Variants in MAP2K4 observed in about 807,000 individuals in gnomAD.
MAP2K4 encodes mitogen-activated protein kinase kinase 4, also known as dual specificity mitogen-activated protein kinase kinase 4.
A neutral mutation model predicts 48.5 loss-of-function variants in MAP2K4; 4 were observed. That is an observed-to-expected ratio of 0.08 (90% CI 0.04 to 0.19). MAP2K4 has a LOEUF of 0.19. Among genes scored for constraint, MAP2K4 ranks in the 10% least tolerant of loss-of-function variants. MAP2K4 has a pLI of 1.00. For missense variants in MAP2K4, 258 were observed against 493.3 expected, an observed-to-expected ratio of 0.52 and a Z score of 4.52; for synonymous variants, 166 against 173.1, an observed-to-expected ratio of 0.96 and a Z score of 0.32.
chr17:12,026,576 G>A (rs555214467), intron 1 of MAP2K4, among the ~76,000 whole-genome samples: 2 of 152,296 alleles, frequency 1.3e-5, no homozygotes, highest in Middle Eastern at 3.4e-3. Context: ...GGGGGTAGAC[G>A]TTTATTTGTT....
chr17:12,110,385 C>T lies in MAP2K4; in HGVS notation c.644C>T (p.Ala215Val). 6.2e-7 allele frequency: 1 copy of T among 1,610,454 alleles called. No homozygotes were observed. Among genetic ancestry groups the T allele is most frequent in the Non-Finnish European group, 8.5e-7 (1 of 1,177,276 alleles). The change falls in exon 6 of 11, where the codon GCA (alanine) becomes GTA (valine). Residue 215 changes from alanine to valine, a missense_variant. Transcript: ENST00000353533. ...CCTTTTTCTCCCTAGACTGTGAAAG[C>T]ACTAAACCACTTAAAAGAAAACTTG... ...LGKITLATVK[A>V]LNHLKENLKI...
chr17:12,033,930 C>T (rs1409157846), intron 1 of MAP2K4, among the ~76,000 whole-genome samples: 4 of 152,122 alleles, frequency 2.6e-5, no homozygotes, highest in Admixed American at 6.5e-5. Flanking sequence ...GCTGGGACTA[C>T]AGGTATATGC....
intron 3 of MAP2K4, among the ~76,000 whole-genome samples, chr17:12,084,501 A>G (rs899707344): frequency 2.0e-5 from 3 of 152,350 alleles, no homozygotes; most frequent in East Asian, 1.9e-4. Flanking sequence ...CTTAAAGCTC[A>G]GGGAGAACAA....
chr17:12,083,010 G>T (rs887371805), intron 3 of MAP2K4, among the ~76,000 whole-genome samples: 1 of 152,322 alleles, frequency 6.6e-6, no homozygotes, highest in East Asian at 1.9e-4. Context: ...TCCAGTTTTA[G>T]TTGGCTGGAT....
At chr17:12,071,990 A>G (rs188971249) in intron 2 of MAP2K4, among the ~76,000 whole-genome samples, 1 of 152,348 alleles carries the variant, frequency 6.6e-6, no homozygotes, top group East Asian at 1.9e-4. Flanking sequence ...AAATGTTTAA[A>G]AAGTGATGAA....
In MAP2K4 at chr17:12,141,259, G is replaced by A. The variant is rs1337754341; in HGVS notation, c.1199G>A (p.Ter400=). ...ATPSSPMYVD[*] ...CCCAGCTCTCCCATGTATGTCGATT[G>A]ATATCGCTGCTACATCAGACTCTAG... is the stretch of plus-strand genomic sequence containing the variant. Residue 400 remains the stop codon, a stop_retained_variant, in exon 11 of 11, where the codon TGA becomes TAA. Transcript: ENST00000353533. The A allele has an allele frequency of 5.0e-6, 8 of 1,602,864 alleles. No homozygotes were observed. The highest frequency in any genetic ancestry group is 6.0e-6 in the Non-Finnish European group (7 of 1,169,910).
At chr17:12,110,082 G>A (rs555623947) in intron 5 of MAP2K4, among the ~76,000 whole-genome samples, 2 of 152,150 alleles carry the variant, frequency 1.3e-5, no homozygotes, top group African/African-American at 4.8e-5. Context: ...GAAATTTTAG[G>A]TTGGAGATAG....
intron 4 of MAP2K4, among the ~76,000 whole-genome samples, chr17:12,103,039 T>TAA (rs555398450): frequency 1.2e-4 from 15 of 126,398 alleles, no homozygotes; most frequent in Admixed American, 1.6e-4. Context: ...TTCTTATCTT[T>TAA]AAAAAAAAAA....
chr17:12,068,813 G>A (rs1970698408), intron 2 of MAP2K4, among the ~76,000 whole-genome samples: 1 of 151,968 alleles, frequency 6.6e-6, no homozygotes, highest in African/African-American at 2.4e-5. Flanking sequence ...CTGTGCTTAT[G>A]TGCATGTATC....
intron 4 of MAP2K4, among the ~76,000 whole-genome samples, chr17:12,098,550 T>C (rs1298039123): frequency 6.6e-6 from 1 of 151,956 alleles, no homozygotes; most frequent in Non-Finnish European, 1.5e-5. Flanking sequence ...ATAAACAGAT[T>C]GAATAAGACT....
In MAP2K4 at chr17:12,143,367, T is replaced by G. The variant is rs1402078729; in HGVS notation, c.*2107T>G. On this transcript the variant is annotated 3_prime_UTR_variant, in exon 11 of 11. Transcript: ENST00000353533. ...GTATTAATCATAGATTATTATAAAC[T>G]ATAAACTTAAGGGCAAGGAGTTTAT... 4.3e-6 allele frequency: 1 copy of G among 232,736 alleles called. No individual in the cohort carries two copies. Among genetic ancestry groups the G allele is most frequent in the East Asian group, 6.1e-5 (1 of 16,376 alleles). The allele number at this position is 232,736 out of a possible 1,614,324, so 14.4% of individuals were successfully genotyped here.
intron 9 of MAP2K4, among the ~76,000 whole-genome samples, chr17:12,138,313 G>A (rs1359754282): frequency 6.6e-6 from 1 of 152,010 alleles, no homozygotes; most frequent in Non-Finnish European, 1.5e-5. Context: ...CTAACAAATA[G>A]CCTACTGTCA....
At chr17:12,129,061 A>G (rs1972945254) in intron 8 of MAP2K4, 78 bp from the exon 9 acceptor site, 2 of 1,449,674 alleles carry the variant, frequency 1.4e-6, no homozygotes, top group East Asian at 4.6e-5. Flanking sequence ...TGTAGTTTAG[A>G]TTTTTTTGTG....
chr17:12,025,260 A>G (rs1357265224), intron 1 of MAP2K4, among the ~76,000 whole-genome samples: 1 of 152,188 alleles, frequency 6.6e-6, no homozygotes, highest in Non-Finnish European at 1.5e-5. Flanking sequence ...TCTGTTCAGA[A>G]ATTTCTCATC....
intron 2 of MAP2K4, among the ~76,000 whole-genome samples, chr17:12,058,047 TGTGA>T (rs564114154): frequency 3.7e-4 from 56 of 152,196 alleles, no homozygotes; most frequent in Non-Finnish European, 7.4e-4. Context: ...TTTACTTTTC[TGTGA>T]GTATTTTGAG....
chr17:12,118,339 A>G (rs999403109), intron 7 of MAP2K4, among the ~76,000 whole-genome samples: 1 of 152,210 alleles, frequency 6.6e-6, no homozygotes, highest in African/African-American at 2.4e-5. Flanking sequence ...GTATTAATGC[A>G]GTAGGCCCGT....
intron 7 of MAP2K4, among the ~76,000 whole-genome samples, chr17:12,121,039 G>A (rs60153336): frequency 0.026 from 3,910 of 152,252 alleles, 169 homozygotes; most frequent in African/African-American, 0.089. Context: ...CCTATTAATA[G>A]CATGTAAATT....
At chr17:12,037,319 A>C (rs1969632414) in intron 1 of MAP2K4, among the ~76,000 whole-genome samples, 1 of 152,180 alleles carries the variant, frequency 6.6e-6, no homozygotes, top group African/African-American at 2.4e-5. Flanking sequence ...AATTTGGGAA[A>C]GATACTAAGT....
chr17:12,121,574 CAAAAAAA>C (rs10569548), intron 7 of MAP2K4, among the ~76,000 whole-genome samples: 2 of 101,544 alleles, frequency 2.0e-5, no homozygotes, highest in African/African-American at 4.0e-5. Context: ...GACTCCGTCT[CAAAAAAA>C]AAAAAAAAAA....
Sources: gnomAD v4.1 joint callset for allele counts (sites outside exome capture counted in the v4.1 genomes callset) on GRCh38, gnomAD v4.1.1 for gene constraint, MANE v1.5 for transcripts, NCBI Gene and HGNC (gene_info 2026-07-23, HGNC 2026-07-21) for gene names.